LRRTM4: variants seen among roughly 807,000 people sequenced by gnomAD.
LRRTM4 encodes the protein leucine-rich repeat transmembrane neuronal protein 4.
In LRRTM4, 25 loss-of-function variants were observed where a neutral mutation model predicts 47.6. The observed-to-expected ratio is 0.53, with a 90% CI of 0.38 to 0.73. The LOEUF is 0.73. Among genes scored for constraint, LRRTM4 ranks in the 30% least tolerant of loss-of-function variants. LRRTM4 has a pLI of 0.00. For synonymous variants in LRRTM4, 311 were observed against 269.5 expected (o/e 1.15, Z -1.51); for missense variants, 638 against 713.4 (o/e 0.89, Z 1.20).
Position 77,325,179 on chromosome 2 carries a change from G to T in LRRTM4, c.1551+193139C>A, listed in dbSNP as rs146786578. ...ACAATAATGAAATCGCCAAAGGACT[G>T]CCCCCCTTCAAAGAGAATATTTTCT... On this transcript the variant is annotated intron_variant, in intron 3 of 3. Transcript: ENST00000409884. Among the ~76,000 whole-genome samples the T allele has an allele frequency of 5.9e-3, 894 of 152,152 alleles. 2 individuals carry two copies. Among genetic ancestry groups the T allele is most frequent in the Middle Eastern group, 0.014 (4 of 294 alleles).
At chr2:76,872,264 C>A (rs958731305) in intron 3 of LRRTM4, among the ~76,000 whole-genome samples, 1 of 151,944 alleles carries the variant, frequency 6.6e-6, no homozygotes, top group East Asian at 1.9e-4. Context: ...ATCATGAAAT[C>A]CATATTAGGA....
At chr2:76,969,081 A>G (rs560884785) in intron 3 of LRRTM4, among the ~76,000 whole-genome samples, 2 of 152,030 alleles carry the variant, frequency 1.3e-5, no homozygotes, top group South Asian at 4.1e-4. Context: ...TTAAAGTTGA[A>G]GAAATTCAAT....
chr2:77,083,427 A>C (rs1921733), intron 3 of LRRTM4, among the ~76,000 whole-genome samples: 60,190 of 151,976 alleles, frequency 0.4, 13,663 homozygotes, highest in East Asian at 0.68. Context: ...TGAAGTCAGA[A>C]CTTGTAGTCA....
At chr2:77,517,502 G>C in intron 3 of LRRTM4, 1 of 985,092 alleles carries the variant, frequency 1.0e-6, no homozygotes, top group Non-Finnish European at 1.2e-6. Context: ...ATTGTGACCT[G>C]ATTTTAGTTA....
At chr2:77,511,117 T>C (rs1435493562) in intron 3 of LRRTM4, among the ~76,000 whole-genome samples, 3 of 152,042 alleles carry the variant, frequency 2.0e-5, no homozygotes, top group Non-Finnish European at 4.4e-5. Flanking sequence ...ATCCCAAAAT[T>C]TGGAAAACAA....
chr2:76,933,436 A>G (rs1278560869), intron 3 of LRRTM4, among the ~76,000 whole-genome samples: 1 of 152,046 alleles, frequency 6.6e-6, no homozygotes, highest in East Asian at 1.9e-4. Flanking sequence ...TGCTGTAAGG[A>G]TCAAATTTTA....
At chr2:76,873,520 A>ATATATG (rs1553423263) in intron 3 of LRRTM4, among the ~76,000 whole-genome samples, 56 of 143,556 alleles carry the variant, frequency 3.9e-4, no homozygotes, top group Non-Finnish European at 7.2e-4. Flanking sequence ...ATATATATAT[A>ATATATG]TATATATATA....
At chr2:77,000,080 C>G (rs1677359657) in intron 3 of LRRTM4, among the ~76,000 whole-genome samples, 1 of 152,068 alleles carries the variant, frequency 6.6e-6, no homozygotes. Flanking sequence ...TTTTTGGTTT[C>G]TTAGCTTCAC....
intron 3 of LRRTM4, among the ~76,000 whole-genome samples, chr2:76,880,243 A>AC: frequency 6.6e-6 from 1 of 152,326 alleles, no homozygotes; most frequent in Admixed American, 6.5e-5. Flanking sequence ...GAAAGGAAGA[A>AC]TCAAACACCA....
intron 3 of LRRTM4, among the ~76,000 whole-genome samples, chr2:76,907,032 C>A (rs539997323): frequency 1.3e-5 from 2 of 152,086 alleles, no homozygotes; most frequent in African/African-American, 4.8e-5. Flanking sequence ...CAAATCAACA[C>A]AATATACATT....
chr2:76,830,081 T>A (rs1671304608), intron 3 of LRRTM4, among the ~76,000 whole-genome samples: 1 of 151,968 alleles, frequency 6.6e-6, no homozygotes, highest in South Asian at 2.1e-4. Context: ...AAAATGAACC[T>A]TCCCCAACAG....
intron 3 of LRRTM4, among the ~76,000 whole-genome samples, chr2:77,289,225 CT>C (rs67004677): frequency 0.12 from 18,189 of 151,528 alleles, 2,227 homozygotes; most frequent in African/African-American, 0.31. Context: ...GCCCTTTATC[CT>C]TTTTTTTGTT....
intron 3 of LRRTM4, among the ~76,000 whole-genome samples, chr2:76,935,326 G>C (rs1674907982): frequency 6.6e-6 from 1 of 152,106 alleles, no homozygotes; most frequent in African/African-American, 2.4e-5. Flanking sequence ...GATTGTCTTG[G>C]CTATGCGGGC....
intron 3 of LRRTM4, among the ~76,000 whole-genome samples, chr2:77,257,717 A>AACACAC (rs57315997): frequency 6.1e-5 from 9 of 146,802 alleles, no homozygotes; most frequent in East Asian, 2.0e-4. Flanking sequence ...TTAAAAATAC[A>AACACAC]ACACACACAC....
At chr2:77,232,469 G>T (rs2103972744) in intron 3 of LRRTM4, among the ~76,000 whole-genome samples, 1 of 152,298 alleles carries the variant, frequency 6.6e-6, no homozygotes, top group Non-Finnish European at 1.5e-5. Flanking sequence ...GCCCTGTTTT[G>T]CTAGACTGGG....
chr2:76,935,303 T>G (rs1674907351), intron 3 of LRRTM4, among the ~76,000 whole-genome samples: 1 of 152,160 alleles, frequency 6.6e-6, no homozygotes, highest in African/African-American at 2.4e-5. Flanking sequence ...CCAGCTTTGT[T>G]ATTTTTGCTT....
intron 3 of LRRTM4, among the ~76,000 whole-genome samples, chr2:77,355,131 C>T (rs1414879989): frequency 1.3e-5 from 2 of 152,066 alleles, no homozygotes; most frequent in Admixed American, 1.3e-4. Context: ...TGATGTTTAC[C>T]ATGTCATGGT....
chr2:77,461,929 T>C (rs950894231), intron 3 of LRRTM4, among the ~76,000 whole-genome samples: 2 of 152,142 alleles, frequency 1.3e-5, no homozygotes, highest in East Asian at 1.9e-4. Context: ...TCTTTCTGTA[T>C]GTATTAATTA....
chr2:77,142,230 A>G lies in LRRTM4; in HGVS notation c.1551+376088T>C, dbSNP rs189511288. Among the ~76,000 whole-genome samples, 58 of 152,248 alleles carry G rather than the reference A, an allele frequency of 3.8e-4. No homozygotes were observed. In the East Asian group the frequency reaches 8.7e-3, roughly 23 times the overall value. On this transcript the variant is annotated intron_variant, in intron 3 of 3. Coordinates refer to ENST00000409884, the MANE Select transcript of LRRTM4 (RefSeq NM_001134745.3). ...ATGTATTAGAACATTTACAACATCA[A>G]ATTGTTTTTCACCTTGTTCACCACA...
Sources: allele counts gnomAD v4.1 joint callset (sites outside exome capture counted in the v4.1 genomes callset), GRCh38; gene constraint gnomAD v4.1.1; transcripts MANE v1.5; gene names NCBI Gene and HGNC (gene_info 2026-07-23, HGNC 2026-07-21).